Variants in SLC14A2 observed in about 807,000 individuals in gnomAD.
SLC14A2 encodes urea transporter 2.
In SLC14A2, 91 loss-of-function variants were observed where a neutral mutation model predicts 104.6. The observed-to-expected ratio is 0.87, with a 90% CI of 0.73 to 1.04. SLC14A2 has a LOEUF of 1.04. Among genes scored for constraint, SLC14A2 ranks in the 50% least tolerant of loss-of-function variants. The probability of loss-of-function intolerance (pLI) is 0.00; values close to 1 mark genes in which losing one functional copy is unlikely to be tolerated. For missense variants in SLC14A2, 1,189 were observed against 1,156.0 expected (o/e 1.03, Z -0.41); for synonymous variants, 476 against 466.4 (o/e 1.02, Z -0.27).
chr18:45,328,770 A>C (rs1412351012), intron 1 of SLC14A2, among the ~76,000 whole-genome samples: 1 of 152,216 alleles, frequency 6.6e-6, no homozygotes, highest in Admixed American at 6.5e-5. Flanking sequence ...ATTGGTTTTT[A>C]TGAAAAGCAA....
intron 1 of SLC14A2, among the ~76,000 whole-genome samples, chr18:45,408,347 G>C (rs931947638): frequency 2.6e-5 from 4 of 152,124 alleles, no homozygotes; most frequent in African/African-American, 9.7e-5. Context: ...TACAATTAAT[G>C]AGTGGTACTT....
chr18:45,344,569 C>G (rs1458067595), intron 1 of SLC14A2, among the ~76,000 whole-genome samples: 1 of 152,164 alleles, frequency 6.6e-6, no homozygotes, highest in African/African-American at 2.4e-5. Flanking sequence ...AGGGTTCAGA[C>G]AGGCAGATAT....
chr18:45,605,816 A>C (rs968065353), intron 2 of SLC14A2, among the ~76,000 whole-genome samples: 1 of 152,144 alleles, frequency 6.6e-6, no homozygotes, highest in Non-Finnish European at 1.5e-5. Flanking sequence ...ATAGGTTATC[A>C]GGAGCCTAGC....
rs79300385 is a variant in SLC14A2 at position 45,354,969 on chromosome 18, T to C, written c.-124-128264T>C. Among the ~76,000 whole-genome samples the C allele has an allele frequency of 4.2e-3, 644 of 152,304 alleles. 7 individuals are homozygous for C. Among genetic ancestry groups the C allele is most frequent in the East Asian group, 0.031 (158 of 5,172 alleles). On this transcript the variant is annotated intron_variant, in intron 1 of 20. Transcript: ENST00000586448. ...GTTTTAAGAAGTATGATATCTTAAA[T>C]GGAGCATATATTGGTAGAACTGAGG...
chr18:45,533,510 T>C (rs972031690), intron 2 of SLC14A2, among the ~76,000 whole-genome samples: 30 of 152,220 alleles, frequency 2.0e-4, no homozygotes, highest in African/African-American at 5.1e-4. Flanking sequence ...TATTCTCTGA[T>C]GGTAGTTTGT....
intron 10 of SLC14A2, among the ~76,000 whole-genome samples, chr18:45,654,136 C>CCG (rs2045788870): frequency 3.6e-5 from 2 of 55,040 alleles, no homozygotes; most frequent in Non-Finnish European, 1.1e-4. Context: ...GGCAGGAATG[C>CCG]TGGGGGGGAC....
At chr18:45,505,856 T>G (rs2043275540) in intron 2 of SLC14A2, among the ~76,000 whole-genome samples, 5 of 152,224 alleles carry the variant, frequency 3.3e-5, no homozygotes, top group Admixed American at 3.3e-4. Context: ...CTCTCTCATC[T>G]TCTTCTCAAG....
chr18:45,188,016 A>G, the SLC14A2 span, among the ~76,000 whole-genome samples: 3 of 152,168 alleles, frequency 2.0e-5, no homozygotes, highest in African/African-American at 7.2e-5. Context: ...CAGTGCTAAT[A>G]GAGGGTGTTA....
chr18:45,247,866 C>T (rs1040284340), intron 1 of SLC14A2, among the ~76,000 whole-genome samples: 2 of 152,126 alleles, frequency 1.3e-5, no homozygotes, highest in African/African-American at 4.8e-5. Flanking sequence ...GAGAATGGAG[C>T]TGACACAGAC....
At chr18:45,350,655 C>T (rs980460468) in intron 1 of SLC14A2, among the ~76,000 whole-genome samples, 3 of 152,062 alleles carry the variant, frequency 2.0e-5, no homozygotes, top group Admixed American at 2.0e-4. Context: ...CACCACTTTC[C>T]TATTACTAGG....
At chr18:45,640,022 G>A (rs1036378195) in intron 7 of SLC14A2, 129 bp downstream of exon 7, 19 of 860,726 alleles carry the variant, frequency 2.2e-5, no homozygotes, top group Admixed American at 7.7e-5. Flanking sequence ...AGACAGGCAC[G>A]GTGACTTATG....
At chr18:45,416,724 C>T (rs7232772) in intron 1 of SLC14A2, among the ~76,000 whole-genome samples, 23 of 151,926 alleles carry the variant, frequency 1.5e-4, no homozygotes, top group African/African-American at 4.4e-4. Context: ...ATTTAACTAC[C>T]GTATTATTTA....
chr18:45,241,562 G>A (rs888983770), intron 1 of SLC14A2, among the ~76,000 whole-genome samples: 5 of 152,038 alleles, frequency 3.3e-5, no homozygotes, highest in Non-Finnish European at 2.9e-5. Context: ...GCCAGCAGAG[G>A]CTACCATCTC....
At chr18:45,577,896 A>AAAAT (rs1290836516) in intron 2 of SLC14A2, among the ~76,000 whole-genome samples, 1 of 152,220 alleles carries the variant, frequency 6.6e-6, no homozygotes, top group East Asian at 1.9e-4. Flanking sequence ...GGCATTCAGA[A>AAAAT]AAATAATAAA....
intron 1 of SLC14A2, among the ~76,000 whole-genome samples, chr18:45,414,490 T>G (rs2086247721): frequency 6.6e-6 from 1 of 152,024 alleles, no homozygotes; most frequent in African/African-American, 2.4e-5. Context: ...CTCTTCTCTC[T>G]TCCTACCTAT....
intron 19 of SLC14A2, among the ~76,000 whole-genome samples, chr18:45,679,398 CAACT>C (rs572348224): frequency 3.1e-4 from 47 of 152,356 alleles, no homozygotes; most frequent in African/African-American, 1.1e-3. Context: ...TGCCCCACGG[CAACT>C]AACTAGCTCC....
At chr18:45,414,906 C>G (rs2086260226) in intron 1 of SLC14A2, among the ~76,000 whole-genome samples, 1 of 150,734 alleles carries the variant, frequency 6.6e-6, no homozygotes, top group Non-Finnish European at 1.5e-5. Context: ...ATACTAAGTG[C>G]CCAGTGTGTT....
At chr18:45,592,611 T>C (rs1412629202) in intron 2 of SLC14A2, among the ~76,000 whole-genome samples, 1 of 152,218 alleles carries the variant, frequency 6.6e-6, no homozygotes. Flanking sequence ...CTGTATTATA[T>C]TCCTACCAGC....
chr18:45,535,812 C>G (rs2705367), intron 2 of SLC14A2, among the ~76,000 whole-genome samples: 1 of 152,210 alleles, frequency 6.6e-6, no homozygotes, highest in Non-Finnish European at 1.5e-5. Flanking sequence ...TCCCTACTTA[C>G]TAAACAGTCT....
Sources: allele counts gnomAD v4.1 joint callset (sites outside exome capture counted in the v4.1 genomes callset), GRCh38; gene constraint gnomAD v4.1.1; transcripts MANE v1.5; gene names NCBI Gene and HGNC (gene_info 2026-07-23, HGNC 2026-07-21).